Variants in CCNT1 observed in about 807,000 individuals in gnomAD.
CCNT1 encodes cyclin T1.
A neutral mutation model predicts 67.3 loss-of-function variants in CCNT1; 18 were observed. That is an observed-to-expected ratio of 0.27 (90% CI 0.18 to 0.40). The LOEUF (loss-of-function observed/expected upper bound fraction) is 0.40, where lower values mean the gene tolerates loss of function less well. Among genes scored for constraint, CCNT1 ranks in the 10% least tolerant of loss-of-function variants. CCNT1 has a pLI of 1.00. For synonymous variants in CCNT1, 333 were observed against 310.3 expected, an observed-to-expected ratio of 1.07 and a Z score of -0.77; for missense variants, 744 against 884.9, an observed-to-expected ratio of 0.84 and a Z score of 2.02.
intron 5 of CCNT1, 86 bp downstream of exon 5, chr12:48,699,692 G>T: frequency 1.2e-6 from 1 of 858,974 alleles, no homozygotes; most frequent in Non-Finnish European, 1.9e-6. Context: ...AGCCAAAGCA[G>T]AACTATTATG....
rs2137221969 is a variant in CCNT1, at chr12:48,693,515, A to G, written c.1699T>C (p.Ser567Pro). The change falls in exon 9 of 9, where the codon TCT becomes CCT. Residue 567 changes from serine (S) to proline (P), a missense_variant. By Grantham distance (74) the Ser-to-Pro change is moderately conservative (BLOSUM62 -1). Coordinates refer to ENST00000261900, the MANE Select transcript of CCNT1 (RefSeq NM_001240.4). ...KTYSLSSSFS[S>P]SSSTRKRGPS... ...CCCCTTTTACGAGTAGAACTGGAAG[A>G]GGAAAAAGAACTAGACAAGCTATAG... 6.2e-7 allele frequency: 1 copy of G among 1,614,176 alleles called. No homozygotes were observed. The highest frequency in any genetic ancestry group is 8.5e-7 in the Non-Finnish European group (1 of 1,180,016).
In CCNT1 at chr12:48,693,050, G is replaced by T. The variant is rs368473561; in HGVS notation, c.2164C>A (p.Pro722Thr). The T allele has an allele frequency of 4.4e-6, 7 of 1,594,152 alleles. No individual in the cohort carries two copies. In the African/African-American group the frequency reaches 6.7e-5, roughly 15 times the overall value. ...TTCTTTTTTTACTTAGGAAGGGGTG[G>T]AAGTGGTGGAGGAGGTTCTGATGGC... ...PLPSEPPPPLPPLPK is the reference protein window; with the variant it reads ...PLPSEPPPPLTPLPK Residue 722 changes from proline to threonine, a missense_variant, in exon 9 of 9, where the codon CCA (proline) becomes ACA (threonine). This residue lies in a region of CCNT1 where 564 missense variants were observed against 574.2 expected (regional missense o/e 0.98). Transcript: ENST00000261900.
rs1694788036 is a variant in CCNT1 at position 48,688,901 on chromosome 12, T to C, written c.*4132A>G. ...GAAAAAAGGTCAGTTTCAAATTCAG[T>C]AACATATGGTAACACTAAGTTAGGC... On this transcript the variant is annotated 3_prime_UTR_variant, in exon 9 of 9. Coordinates refer to ENST00000261900, the MANE Select transcript of CCNT1 (RefSeq NM_001240.4). 1 of 152,184 alleles carries C rather than the reference T, an allele frequency of 6.6e-6. No individual in the cohort carries two copies. Among genetic ancestry groups the C allele is most frequent in the African/African-American group, 2.4e-5 (1 of 41,452 alleles). 9.4% of individuals were successfully genotyped at this position (152,184 alleles called of 1,614,324 possible).
chr12:48,709,136 A>G (rs1353252634), intron 2 of CCNT1, among the ~76,000 whole-genome samples: 1 of 152,152 alleles, frequency 6.6e-6, no homozygotes, highest in Non-Finnish European at 1.5e-5. Context: ...CAAGTCAAAG[A>G]CTAAGGTTTT....
intron 3 of CCNT1, among the ~76,000 whole-genome samples, chr12:48,705,294 T>TTGTTGA: frequency 6.6e-6 from 1 of 151,914 alleles, no homozygotes; most frequent in Non-Finnish European, 1.5e-5. Flanking sequence ...GTTGTTGTTG[T>TTGTTGA]TGTTGTTGTT....
In CCNT1 at chr12:48,693,485, A is replaced by G. The variant is rs1298010909; in HGVS notation, c.1729T>C (p.Ser577Pro). 1 of 1,614,216 alleles carries G rather than the reference A, an allele frequency of 6.2e-7. No individual in the cohort carries two copies. The highest frequency in any genetic ancestry group is 8.5e-7 in the Non-Finnish European group (1 of 1,180,038). Residue 577 changes from serine (S) to proline (P), a missense_variant, in exon 9 of 9, where the codon TCT becomes CCT. By Grantham distance (74) the Ser-to-Pro change is moderately conservative. Around this residue, in one of 3 missense-constraint regions of CCNT1, gnomAD observed 564 missense variants for 574.2 expected, o/e 0.98. Coordinates refer to ENST00000261900, the MANE Select transcript of CCNT1 (RefSeq NM_001240.4). ...SSSSTRKRGP[S>P]EETGGAVFDH... ...AACACAGCCCCTCCAGTCTCTTCAG[A>G]GGGTCCCCTTTTACGAGTAGAACTG...
In CCNT1 at chr12:48,700,990, G is replaced by A. The variant is rs761825034; in HGVS notation, c.433+23C>T. The A allele has an allele frequency of 5.1e-6, 7 of 1,375,804 alleles. No homozygotes were observed. In the South Asian group the frequency reaches 6.3e-5, roughly 12 times the overall value. 85.2% of individuals were successfully genotyped at this position (1,375,804 alleles called of 1,614,324 possible). On this transcript the variant is annotated intron_variant, in intron 4 of 8. Coordinates refer to ENST00000261900, the MANE Select transcript of CCNT1 (RefSeq NM_001240.4). ...ATTTTATTGCATAATTTAAAAAAATGTTTCAAAGGAAAATAAACTTACCTA... is the reference window on the plus strand; with the variant it reads ...ATTTTATTGCATAATTTAAAAAAATATTTCAAAGGAAAATAAACTTACCTA...
intron 2 of CCNT1, among the ~76,000 whole-genome samples, chr12:48,706,517 T>C (rs978080128): frequency 6.6e-6 from 1 of 152,216 alleles, no homozygotes; most frequent in Non-Finnish European, 1.5e-5. Context: ...ATGCAAGACA[T>C]TATTTATAGA....
chr12:48,693,923 T>A lies in CCNT1; in HGVS notation c.1291A>T (p.Ser431Cys), dbSNP rs1053011061. The change falls in exon 9 of 9, where the codon AGC becomes TGC. Residue 431 changes from serine to cysteine, a missense_variant. Physicochemically the swap from Ser to Cys is moderately radical, Grantham distance 112 (BLOSUM62 -1). This residue lies in a region of CCNT1 where 564 missense variants were observed against 574.2 expected (regional missense o/e 0.98). Transcript: ENST00000261900. ...AAQNLLSHHD[S>C]HSSVILKMPI... ...ATTTTTAGAATGACTGAAGAATGGC[T>A]ATCATGATGAGAAAGGAGATTCTGG... 42 of 1,614,158 alleles carry A rather than the reference T, an allele frequency of 2.6e-5. No individual in the cohort carries two copies. The highest frequency in any genetic ancestry group is 3.3e-5 in the Non-Finnish European group (39 of 1,180,042).
intron 3 of CCNT1, among the ~76,000 whole-genome samples, chr12:48,704,400 T>C (rs1940321954): frequency 6.6e-6 from 1 of 152,208 alleles, no homozygotes; most frequent in Non-Finnish European, 1.5e-5. Context: ...ACTTGAACCC[T>C]GTGGTGAACT....
At chr12:48,713,361 C>T (rs1029882605) in intron 2 of CCNT1, among the ~76,000 whole-genome samples, 1 of 152,120 alleles carries the variant, frequency 6.6e-6, no homozygotes, top group African/African-American at 2.4e-5. Context: ...TCTTAAAAGT[C>T]ATTTTCCCAG....
At chr12:48,715,728 G>A (rs1262268498) in intron 1 of CCNT1, among the ~76,000 whole-genome samples, 4 of 152,134 alleles carry the variant, frequency 2.6e-5, no homozygotes, top group African/African-American at 9.7e-5. Context: ...CTCCCAAAGT[G>A]CAGAGATTAC....
chr12:48,707,477 G>A (rs916286160), intron 2 of CCNT1, among the ~76,000 whole-genome samples: 1 of 151,758 alleles, frequency 6.6e-6, no homozygotes, highest in Non-Finnish European at 1.5e-5. Context: ...TAGAGATGGG[G>A]TCTCCCTACA....
chr12:48,690,259 G>A lies in CCNT1; in HGVS notation c.*2774C>T, dbSNP rs1940051728. 6.6e-6 allele frequency: 1 copy of A among 152,170 alleles called. No homozygotes were observed. The highest frequency in any genetic ancestry group is 2.1e-4 in the South Asian group (1 of 4,832). 9.4% of individuals were successfully genotyped at this position (152,170 alleles called of 1,614,324 possible). ...GAGATTTACAGAAGCTGAGGCTCCAGGCCTACTTATCACCATCACTTATTT... is the reference window on the plus strand; with the variant it reads ...GAGATTTACAGAAGCTGAGGCTCCAAGCCTACTTATCACCATCACTTATTT... On this transcript the variant is annotated 3_prime_UTR_variant, in exon 9 of 9. Coordinates refer to ENST00000261900, the MANE Select transcript of CCNT1 (RefSeq NM_001240.4).
intron 2 of CCNT1, among the ~76,000 whole-genome samples, chr12:48,711,045 AAG>A (rs1225969954): frequency 6.6e-6 from 1 of 150,532 alleles, no homozygotes; most frequent in Non-Finnish European, 1.5e-5. Flanking sequence ...GCCTGGGGGA[AAG>A]AGAGAGATTC....
At chr12:48,696,362 T>A (rs914807042) in intron 6 of CCNT1, among the ~76,000 whole-genome samples, 200 bp from the exon 7 acceptor site, 1 of 145,586 alleles carries the variant, frequency 6.9e-6, no homozygotes, top group Admixed American at 7.0e-5. Flanking sequence ...CCTGTTCAGG[T>A]AACAACATTT....
chr12:48,709,065 G>A (rs983808683), intron 2 of CCNT1, among the ~76,000 whole-genome samples: 1 of 152,126 alleles, frequency 6.6e-6, no homozygotes, highest in African/African-American at 2.4e-5. Flanking sequence ...CTAGGTGACA[G>A]AGTAAAAACC....
intron 2 of CCNT1, 30 bp downstream of exon 2, chr12:48,714,413 G>C: frequency 1.5e-6 from 2 of 1,357,752 alleles, no homozygotes; most frequent in Non-Finnish European, 2.1e-6. Flanking sequence ...ATCACAAAAG[G>C]ATTATATCAT....
intron 2 of CCNT1, 125 bp downstream of exon 2, chr12:48,714,318 G>A (rs1940501351): frequency 1.6e-6 from 1 of 627,242 alleles, no homozygotes; most frequent in Admixed American, 2.5e-5. Context: ...AGCACATAAT[G>A]GAAGTGATCA....
Sources: gnomAD v4.1 joint callset for allele counts (sites outside exome capture counted in the v4.1 genomes callset) on GRCh38, gnomAD v4.1.1 for gene constraint, gnomAD v4.1.1 regional missense constraint, MANE v1.5 for transcripts, NCBI Gene and HGNC (gene_info 2026-07-23, HGNC 2026-07-21) for gene names.